UNC13C: variants seen among roughly 807,000 people sequenced by gnomAD.
UNC13C encodes the protein protein unc-13 homolog C.
Under a neutral mutation model 245.4 loss-of-function variants are expected in UNC13C, and 174 were observed. That is an observed-to-expected ratio of 0.71 (90% CI 0.63 to 0.80). The LOEUF is 0.80. UNC13C is among the 30% of genes least tolerant of loss of function. UNC13C has a pLI of 0.00. For synonymous variants in UNC13C, 992 were observed against 895.1 expected, an observed-to-expected ratio of 1.11 and a Z score of -1.93; for missense variants, 2,829 against 2,602.9, an observed-to-expected ratio of 1.09 and a Z score of -1.89.
At chr15:53,964,947 A>G in the UNC13C span, among the ~76,000 whole-genome samples, 1 of 152,162 alleles carries the variant, frequency 6.6e-6, no homozygotes, top group Non-Finnish European at 1.5e-5. Context: ...CTGCCCCAAG[A>G]TACACATCTT....
chr15:54,278,683 C>T (rs2036898337), intron 10 of UNC13C, among the ~76,000 whole-genome samples: 1 of 152,114 alleles, frequency 6.6e-6, no homozygotes, highest in Non-Finnish European at 1.5e-5. Flanking sequence ...CTTATACTTG[C>T]AAAGCACATA....
At chr15:54,532,260 G>T (rs1485416627) in intron 25 of UNC13C, among the ~76,000 whole-genome samples, 1 of 152,120 alleles carries the variant, frequency 6.6e-6, no homozygotes, top group Admixed American at 6.5e-5. Flanking sequence ...CATTGTGGAA[G>T]ACAGTGTGGC....
At chr15:54,258,280 C>T (rs12908083) in intron 8 of UNC13C, among the ~76,000 whole-genome samples, 57,387 of 151,932 alleles carry the variant, frequency 0.38, 11,070 homozygotes, top group Middle Eastern at 0.41. Context: ...ATACTGCAGA[C>T]ACCGTCCGCG....
intron 2 of UNC13C, among the ~76,000 whole-genome samples, chr15:54,062,835 C>A (rs1229340485): frequency 1.3e-5 from 2 of 152,188 alleles, no homozygotes; most frequent in African/African-American, 2.4e-5. Flanking sequence ...TTGACCGCTG[C>A]AAATACTGGG....
At chr15:54,579,362 A>G (rs185485828) in intron 30 of UNC13C, among the ~76,000 whole-genome samples, 14 of 152,310 alleles carry the variant, frequency 9.2e-5, no homozygotes, top group Admixed American at 3.3e-4. Context: ...TGCAAAGTAC[A>G]ATAGTTTAAT....
At chr15:54,214,718 G>T (rs1398483077) in intron 4 of UNC13C, among the ~76,000 whole-genome samples, 1 of 151,994 alleles carries the variant, frequency 6.6e-6, no homozygotes, top group Non-Finnish European at 1.5e-5. Context: ...CTATTAAGAA[G>T]TTGGTCTTTC....
chr15:54,078,374 G>A (rs1021787416), intron 2 of UNC13C, among the ~76,000 whole-genome samples: 1 of 152,142 alleles, frequency 6.6e-6, no homozygotes, highest in East Asian at 1.9e-4. Flanking sequence ...TTGTTTAATC[G>A]AATTTTAGTT....
chr15:54,103,584 GCTGA>G (rs997792049), intron 2 of UNC13C, among the ~76,000 whole-genome samples: 3 of 152,024 alleles, frequency 2.0e-5, no homozygotes, highest in African/African-American at 7.2e-5. Context: ...AATTGTCTTA[GCTGA>G]CTATCTTGTT....
chr15:53,965,395 A>C, the UNC13C span, among the ~76,000 whole-genome samples: 2 of 152,062 alleles, frequency 1.3e-5, no homozygotes, highest in Non-Finnish European at 2.9e-5. Context: ...ATATATTCAC[A>C]ATGATTCTCT....
At chr15:53,917,155 C>T in the UNC13C span, among the ~76,000 whole-genome samples, 10 of 152,156 alleles carry the variant, frequency 6.6e-5, no homozygotes, top group African/African-American at 2.4e-4. Flanking sequence ...TAATCTTGTT[C>T]TTCCCCACAC....
intron 30 of UNC13C, among the ~76,000 whole-genome samples, chr15:54,594,548 G>A (rs1182235387): frequency 6.6e-6 from 1 of 152,010 alleles, no homozygotes; most frequent in African/African-American, 2.4e-5. Flanking sequence ...CACTGAAGTT[G>A]TATACCTAGG....
At chr15:54,478,100 G>A (rs929464207) in intron 19 of UNC13C, among the ~76,000 whole-genome samples, 2 of 151,734 alleles carry the variant, frequency 1.3e-5, no homozygotes, top group African/African-American at 4.8e-5. Flanking sequence ...TTTGCGTAGA[G>A]GTGTTTGTAG....
intron 18 of UNC13C, among the ~76,000 whole-genome samples, chr15:54,394,965 T>C (rs1261908989): frequency 6.6e-6 from 1 of 151,852 alleles, no homozygotes; most frequent in Non-Finnish European, 1.5e-5. Context: ...GTATAAAAAT[T>C]AGCAATGACA....
At chr15:54,151,368 G>A (rs1479529206) in intron 4 of UNC13C, among the ~76,000 whole-genome samples, 2 of 152,060 alleles carry the variant, frequency 1.3e-5, no homozygotes, top group Non-Finnish European at 2.9e-5. Context: ...TAAGCCAGGA[G>A]AACCTCCAAT....
At chr15:54,600,032 T>C (rs534998411) in intron 30 of UNC13C, among the ~76,000 whole-genome samples, 2 of 152,118 alleles carry the variant, frequency 1.3e-5, no homozygotes, top group Non-Finnish European at 2.9e-5. Context: ...CTAGGTCTAA[T>C]ATAGCAGGCA....
At chr15:54,183,108 G>T (rs115617544) in intron 4 of UNC13C, among the ~76,000 whole-genome samples, 3 of 151,528 alleles carry the variant, frequency 2.0e-5, no homozygotes, top group Admixed American at 6.6e-5. Context: ...TTACAAACCC[G>T]AAAGAAGTTA....
chr15:54,562,581 T>C (rs920780223), intron 29 of UNC13C, among the ~76,000 whole-genome samples: 3 of 152,008 alleles, frequency 2.0e-5, no homozygotes, highest in African/African-American at 7.2e-5. Context: ...TAAGATGCAT[T>C]ATTATTGGAA....
At chr15:54,391,292 TTTTA>T (rs1475679229) in intron 17 of UNC13C, among the ~76,000 whole-genome samples, 3 of 152,152 alleles carry the variant, frequency 2.0e-5, no homozygotes, top group African/African-American at 7.2e-5. Flanking sequence ...TTAGAAGTAG[TTTTA>T]TTTATCACCT....
chr15:54,161,503 C>A (rs1159362652), intron 4 of UNC13C, among the ~76,000 whole-genome samples: 1 of 152,090 alleles, frequency 6.6e-6, no homozygotes, highest in East Asian at 1.9e-4. Flanking sequence ...TTTTAATATA[C>A]TGAGAGCATT....
Sources: gnomAD v4.1 joint callset for allele counts (sites outside exome capture counted in the v4.1 genomes callset) on GRCh38, gnomAD v4.1.1 for gene constraint, MANE v1.5 for transcripts, NCBI Gene and HGNC (gene_info 2026-07-23, HGNC 2026-07-21) for gene names.